SLC1A2: variants seen among roughly 807,000 people sequenced by gnomAD.
SLC1A2 encodes solute carrier family 1 member 2.
SLC1A2 carries 15 observed loss-of-function variants against 48.8 expected under a neutral mutation model. That is an observed-to-expected ratio of 0.31 (90% confidence interval 0.21 to 0.47). The LOEUF (loss-of-function observed/expected upper bound fraction) is 0.47. Among genes scored for constraint, SLC1A2 ranks in the 20% least tolerant of loss-of-function variants. The probability of loss-of-function intolerance (pLI) is 0.99; values close to 1 mark genes in which losing one functional copy is unlikely to be tolerated. For synonymous variants in SLC1A2, 279 were observed against 272.6 expected, an observed-to-expected ratio of 1.02 and a Z score of -0.23; for missense variants, 502 against 730.5, an observed-to-expected ratio of 0.69 and a Z score of 3.61.
chr11:35,403,263 CA>C (rs1432565819), intron 1 of SLC1A2, among the ~76,000 whole-genome samples: 1 of 152,232 alleles, frequency 6.6e-6, no homozygotes, highest in Non-Finnish European at 1.5e-5. Context: ...CCCAAAGTCA[CA>C]CAGCTACTGA....
chr11:35,362,916 T>C (rs1248717860), intron 1 of SLC1A2, among the ~76,000 whole-genome samples: 3 of 152,236 alleles, frequency 2.0e-5, no homozygotes, highest in Non-Finnish European at 2.9e-5. Context: ...GAAGACTTAC[T>C]ATGTGCCAGC....
rs1190375218 is a variant in SLC1A2 at position 35,253,783 on chromosome 11, CAT to C, written c.*7109_*7110del. 4.6e-5 allele frequency: 7 copies of C among 152,616 alleles called. No homozygotes were observed. The highest frequency in any genetic ancestry group is 1.7e-4 in the African/African-American group (7 of 41,450). 9.5% of individuals were successfully genotyped at this position (152,616 alleles called of 1,614,324 possible). On this transcript the variant is annotated 3_prime_UTR_variant, in exon 11 of 11. Coordinates refer to ENST00000278379, the MANE Select transcript of SLC1A2 (RefSeq NM_004171.4). Reference sequence around the variant, plus strand: ...TGTGCTCTAATTAGTTATAATTCTACATGTGTGGTTACATAGAAAATACTGTA... The same window carrying C: ...TGTGCTCTAATTAGTTATAATTCTACGTGTGGTTACATAGAAAATACTGTA...
intron 1 of SLC1A2, among the ~76,000 whole-genome samples, chr11:35,386,023 G>A (rs956039874): frequency 7.9e-5 from 12 of 152,190 alleles, no homozygotes; most frequent in East Asian, 1.9e-4. Context: ...AAAATTAGCC[G>A]GGCATGGTGG....
intron 1 of SLC1A2, among the ~76,000 whole-genome samples, chr11:35,354,625 C>G (rs1001772826): frequency 6.6e-6 from 1 of 152,022 alleles, no homozygotes; most frequent in African/African-American, 2.4e-5. Flanking sequence ...CTGCAAATCA[C>G]CCCCCAAAAC....
At chr11:35,310,903 C>T (rs900124191) in intron 4 of SLC1A2, among the ~76,000 whole-genome samples, 5 of 152,156 alleles carry the variant, frequency 3.3e-5, no homozygotes, top group African/African-American at 1.2e-4. Flanking sequence ...GCTAAGGAAT[C>T]TGTACCCACT....
intron 9 of SLC1A2, 30 bp downstream of exon 9, chr11:35,280,837 C>T: frequency 6.5e-7 from 1 of 1,529,908 alleles, no homozygotes; most frequent in Non-Finnish European, 8.9e-7. Context: ...TACTCACAGT[C>T]CCAGCAGAAC....
Position 35,251,443 on chromosome 11 carries a change from G to T in SLC1A2, c.*9451C>A, listed in dbSNP as rs1950237036. 1 of 152,610 alleles carries T rather than the reference G, an allele frequency of 6.6e-6. No individual in the cohort carries two copies. Among genetic ancestry groups the T allele is most frequent in the Non-Finnish European group, 1.5e-5 (1 of 68,030 alleles). The allele number at this position is 152,610 out of a possible 1,614,324, so 9.5% of individuals were successfully genotyped here. A position where few individuals can be genotyped will look rare whatever the true frequency, so the allele number is the denominator to read the frequency against. On this transcript the variant is annotated 3_prime_UTR_variant, in exon 11 of 11. Coordinates refer to ENST00000278379, the MANE Select transcript of SLC1A2 (RefSeq NM_004171.4). Reference sequence around the variant, plus strand: ...CAAGGCATTTTCTAGTAGCATATATGAGAAACAATTCAAAAATTAGTTGAA... The same window carrying T: ...CAAGGCATTTTCTAGTAGCATATATTAGAAACAATTCAAAAATTAGTTGAA...
intron 2 of SLC1A2, 155 bp from the exon 3 acceptor site, chr11:35,315,330 T>C: frequency 1.8e-6 from 1 of 546,002 alleles, no homozygotes; most frequent in East Asian, 2.9e-5. Context: ...TAAGTGAAGC[T>C]GATTTTGATG....
intron 1 of SLC1A2, among the ~76,000 whole-genome samples, chr11:35,334,814 A>ATTTTGTTTTGTTTTG (rs10611656): frequency 6.8e-6 from 1 of 146,982 alleles, no homozygotes; most frequent in African/African-American, 2.5e-5. Flanking sequence ...CTGGAGAGCA[A>ATTTTGTTTTGTTTTG]TTTTGTTTTG....
At chr11:35,368,558 GT>G (rs962625713) in intron 1 of SLC1A2, among the ~76,000 whole-genome samples, 1 of 152,204 alleles carries the variant, frequency 6.6e-6, no homozygotes, top group African/African-American at 2.4e-5. Flanking sequence ...GTCCAGTTGA[GT>G]AATCTATCAA....
chr11:35,403,510 G>A (rs1855192799), intron 1 of SLC1A2, among the ~76,000 whole-genome samples: 2 of 152,200 alleles, frequency 1.3e-5, no homozygotes, highest in South Asian at 4.1e-4. Flanking sequence ...TGTAGGACTG[G>A]CTACATAATG....
intron 9 of SLC1A2, among the ~76,000 whole-genome samples, chr11:35,270,071 C>T (rs536479942): frequency 1.3e-5 from 2 of 152,292 alleles, no homozygotes; most frequent in Admixed American, 1.3e-4. Flanking sequence ...TGTGCCATTG[C>T]ACTCCAGCCT....
rs1950378209 is a variant in SLC1A2 at position 35,260,610 on chromosome 11, T to G, written c.*284A>C. 3 of 381,496 alleles carry G rather than the reference T, an allele frequency of 7.9e-6. No homozygotes were observed. The South Asian group carries it at 9.5e-5, about 12-fold the overall frequency. 23.6% of individuals were successfully genotyped at this position (381,496 alleles called of 1,614,324 possible). A position where few individuals can be genotyped will look rare whatever the true frequency, so the allele number is the denominator to read the frequency against. ...CTGCATCTTGGGAGAAAAGGGAAGC[T>G]GGCAAGAACGTGTCTTCAATTCCAA... On this transcript the variant is annotated 3_prime_UTR_variant, in exon 11 of 11. Transcript: ENST00000278379.
chr11:35,346,795 C>A (rs1184412149), intron 1 of SLC1A2, among the ~76,000 whole-genome samples: 1 of 152,202 alleles, frequency 6.6e-6, no homozygotes, highest in Non-Finnish European at 1.5e-5. Context: ...ATGGATATGA[C>A]AGACCAAACA....
chr11:35,305,064 AT>A (rs1286490066), intron 5 of SLC1A2, among the ~76,000 whole-genome samples: 3 of 152,052 alleles, frequency 2.0e-5, no homozygotes, highest in Non-Finnish European at 4.4e-5. Context: ...ATCCATCCAG[AT>A]TCACCATTTC....
chr11:35,273,177 C>G (rs1356217439), intron 9 of SLC1A2, among the ~76,000 whole-genome samples: 1 of 152,198 alleles, frequency 6.6e-6, no homozygotes, highest in Admixed American at 6.5e-5. Context: ...GCACCTGCCT[C>G]TCAGGATGCA....
intron 1 of SLC1A2, among the ~76,000 whole-genome samples, chr11:35,386,878 G>A (rs1220683158): frequency 6.6e-6 from 1 of 152,150 alleles, no homozygotes; most frequent in African/African-American, 2.4e-5. Flanking sequence ...TGACTAACCT[G>A]CAGTGCTTTT....
At chr11:35,351,176 A>G (rs1853238173) in intron 1 of SLC1A2, among the ~76,000 whole-genome samples, 1 of 152,246 alleles carries the variant, frequency 6.6e-6, no homozygotes, top group Non-Finnish European at 1.5e-5. Flanking sequence ...GAGAAAATTG[A>G]GGTTTAGAGG....
rs1565233384 is a variant in SLC1A2 at position 35,311,897 on chromosome 11, G to GAGAGAGAGAGA, written c.561+300_561+301insTCTCTCTCTCT. Reference sequence around the variant, plus strand: ...GAGAGAGAGAGAGAGAGAGAGGGAGGGAGAGAGAGAGAGAGAGAGAGAGAG... The same window carrying GAGAGAGAGAGA: ...GAGAGAGAGAGAGAGAGAGAGGGAGGAGAGAGAGAGAGAGAGAGAGAGAGAGAGAGAGAGAG... On this transcript the variant is annotated intron_variant, in intron 4 of 10. Coordinates refer to ENST00000278379, the MANE Select transcript of SLC1A2 (RefSeq NM_004171.4). 8.7e-3 allele frequency among the ~76,000 whole-genome samples: 223 copies of GAGAGAGAGAGA among 25,724 alleles called. 6 individuals are homozygous for GAGAGAGAGAGA. The highest frequency in any genetic ancestry group is 0.012 in the Non-Finnish European group (167 of 14,508). 16.9% of individuals were successfully genotyped at this position (25,724 alleles called of 152,430 possible).
Sources: allele counts gnomAD v4.1 joint callset (sites outside exome capture counted in the v4.1 genomes callset), GRCh38; gene constraint gnomAD v4.1.1; transcripts MANE v1.5; gene names NCBI Gene and HGNC (gene_info 2026-07-23, HGNC 2026-07-21).